Variants in FAT4 observed in about 807,000 individuals in gnomAD.
FAT4 encodes FAT atypical cadherin 4.
A neutral mutation model predicts 303.9 loss-of-function variants in FAT4; 84 were observed. That is an observed-to-expected ratio of 0.28 (90% confidence interval 0.23 to 0.33). The LOEUF (loss-of-function observed/expected upper bound fraction) is 0.33. FAT4 is among the 10% of genes least tolerant of loss of function. FAT4 has a pLI of 1.00. For missense variants in FAT4, 6,005 were observed against 6,146.8 expected (o/e 0.98, Z 0.77); for synonymous variants, 2,307 against 2,298.8 (o/e 1.00, Z -0.10).
chr4:125,357,346 A>G (rs1198842216), intron 2 of FAT4, among the ~76,000 whole-genome samples: 2 of 152,068 alleles, frequency 1.3e-5, no homozygotes, highest in African/African-American at 2.4e-5. Flanking sequence ...AAAATTTGTC[A>G]TTTTCTCAGT....
At chr4:125,484,762 A>G (rs1360914318) in intron 16 of FAT4, among the ~76,000 whole-genome samples, 2 of 152,154 alleles carry the variant, frequency 1.3e-5, no homozygotes, top group Non-Finnish European at 2.9e-5. Flanking sequence ...TACTGTAGGC[A>G]ATTGTGACAC....
At position 125,318,796 on chromosome 4, in the gene FAT4, G is replaced by A; in HGVS notation, c.2385G>A (p.Gln795=). 6.2e-7 allele frequency: 1 copy of A among 1,614,214 alleles called. No homozygotes were observed. Among genetic ancestry groups the A allele is most frequent in the Non-Finnish European group, 8.5e-7 (1 of 1,180,042 alleles). ...DTQDNPPVFS[Q]VAYSFVVFEN... ...AAGACAACCCACCTGTATTCAGTCA[G>A]GTTGCCTACAGCTTTGTGGTTTTTG... Residue 795 remains glutamine, a synonymous_variant, in exon 2 of 18, where the codon CAG becomes CAA. Coordinates refer to ENST00000394329, the MANE Select transcript of FAT4 (RefSeq NM_001291303.3).
In FAT4 at chr4:125,463,621, T is replaced by C; in HGVS notation, c.11859T>C (p.Gly3953=). The part of the protein sequence containing the change: ...YCECNPCFNG[G]SCQSGVDSYY... The stretch of plus-strand genomic sequence containing the variant: ...AATGCAACCCCTGCTTTAATGGTGG[T>C]TCCTGCCAAAGTGGTGTGGATTCTT... Residue 3953 remains glycine (G), a synonymous_variant, in exon 11 of 18, where the codon GGT becomes GGC. Transcript: ENST00000394329. The C allele has an allele frequency of 1.9e-6, 3 of 1,602,294 alleles. No homozygotes were observed. The highest frequency in any genetic ancestry group is 1.7e-6 in the Non-Finnish European group (2 of 1,172,840).
At position 125,406,919 on chromosome 4, in the gene FAT4, G is replaced by T. The variant is rs571447839; in HGVS notation, c.5347G>T (p.Ala1783Ser). The T allele has an allele frequency of 4.3e-6, 7 of 1,613,564 alleles. No homozygotes were observed. Among genetic ancestry groups the T allele is most frequent in the Non-Finnish European group, 5.9e-6 (7 of 1,179,756 alleles). The part of the protein sequence containing the change: ...ALVTYTIISG[A>S]DDSFRIDPES... ...CGTCACATACACTATCATTAGTGGA[G>T]CTGATGATAGTTTTCGCATCGACCC... Residue 1783 changes from alanine (A) to serine (S), a missense_variant, in exon 4 of 18, where the codon GCT becomes TCT. Ala to Ser is a moderately conservative substitution (Grantham distance 99, BLOSUM62 1). Coordinates refer to ENST00000394329, the MANE Select transcript of FAT4 (RefSeq NM_001291303.3).
At chr4:125,380,125 T>G (rs1416541104) in intron 2 of FAT4, among the ~76,000 whole-genome samples, 1 of 151,914 alleles carries the variant, frequency 6.6e-6, no homozygotes. Flanking sequence ...ACTCCCAACA[T>G]CAGGTGATCC....
chr4:125,387,934 C>T (rs1733823158), intron 2 of FAT4, among the ~76,000 whole-genome samples: 1 of 152,160 alleles, frequency 6.6e-6, no homozygotes, highest in Non-Finnish European at 1.5e-5. Context: ...CAAAGGCCTA[C>T]AAAAATTCAC....
chr4:125,451,475 A>C lies in FAT4; in HGVS notation c.10465A>C (p.Thr3489Pro). The C allele has an allele frequency of 6.2e-7, 1 of 1,613,880 alleles. No individual in the cohort carries two copies. Among genetic ancestry groups the C allele is most frequent in the Non-Finnish European group, 8.5e-7 (1 of 1,179,978 alleles). The change falls in exon 10 of 18, where the codon ACC (threonine) becomes CCC (proline). Residue 3489 changes from threonine (T) to proline (P), a missense_variant. Coordinates refer to ENST00000394329, the MANE Select transcript of FAT4 (RefSeq NM_001291303.3). ...CTCAGTTTTGGCTGTTGATTCAGGGACCCCCTCAGCTACAGGTAGTGCCTC... is the reference window on the plus strand; with the variant it reads ...CTCAGTTTTGGCTGTTGATTCAGGGCCCCCCTCAGCTACAGGTAGTGCCTC... ...NLSVLAVDSG[T>P]PSATGSASLL...
intron 2 of FAT4, among the ~76,000 whole-genome samples, chr4:125,388,191 A>T (rs776353898): frequency 2.6e-5 from 4 of 152,140 alleles, no homozygotes; most frequent in Non-Finnish European, 5.9e-5. Flanking sequence ...GTCCAATCCA[A>T]ATATTATGAA....
rs1250172205 is a variant in FAT4 at position 125,451,030 on chromosome 4, T to C, written c.10020T>C (p.Phe3340=). The change falls in exon 10 of 18, where the codon TTT becomes TTC. Residue 3340 remains phenylalanine (F), a synonymous_variant. Transcript: ENST00000394329. ...ATGGGGAGGTACACTATTTGATTTT[T>C]GGTAATAGTCGAAAGAAGGGTTTCC... ...GTDGEVHYLI[F]GNSRKKGFQI... is the part of the protein sequence containing the mutation. The C allele has an allele frequency of 1.6e-5, 26 of 1,613,924 alleles. No individual in the cohort carries two copies. The highest frequency in any genetic ancestry group is 2.2e-5 in the Non-Finnish European group (26 of 1,179,998).
chr4:125,348,324 A>G (rs752839001), intron 2 of FAT4, among the ~76,000 whole-genome samples: 2 of 151,804 alleles, frequency 1.3e-5, no homozygotes, highest in Admixed American at 6.6e-5. Flanking sequence ...AGAGAACACA[A>G]CAAAATAGTA....
At chr4:125,348,269 T>C (rs1333750849) in intron 2 of FAT4, among the ~76,000 whole-genome samples, 1 of 151,906 alleles carries the variant, frequency 6.6e-6, no homozygotes, top group Non-Finnish European at 1.5e-5. Context: ...TGGAACGTAT[T>C]CTTTTATATA....
chr4:125,338,965 G>C (rs192506873), intron 2 of FAT4, among the ~76,000 whole-genome samples: 123 of 152,142 alleles, frequency 8.1e-4, no homozygotes, highest in Non-Finnish European at 1.5e-3. Flanking sequence ...AGTGTACCTT[G>C]GTCTGAGGCT....
chr4:125,454,310 GA>G (rs1349667667), intron 10 of FAT4, among the ~76,000 whole-genome samples: 1 of 152,192 alleles, frequency 6.6e-6, no homozygotes, highest in Non-Finnish European at 1.5e-5. Context: ...TGTTGAAACA[GA>G]ACATGCAGTC....
Position 125,489,962 on chromosome 4 carries a change from G to A in FAT4, c.13146G>A (p.Gly4382=), listed in dbSNP as rs925363038. 1 of 1,606,348 alleles carries A rather than the reference G, an allele frequency of 6.2e-7. No individual in the cohort carries two copies. Among genetic ancestry groups the A allele is most frequent in the African/African-American group, 1.4e-5 (1 of 73,174 alleles). ...GTGGAGAAAGTCTTCCTTTCAGCGGGAAGCATAGCTTGGCCTCCATCTCAA... is the reference window on the plus strand; with the variant it reads ...GTGGAGAAAGTCTTCCTTTCAGCGGAAAGCATAGCTTGGCCTCCATCTCAA... ...WYGGESLPFS[G]KHSLASISKT... is the part of the protein sequence containing the mutation. Residue 4382 remains glycine, a synonymous_variant, in exon 18 of 18, where the codon GGG becomes GGA. Transcript: ENST00000394329.
At chr4:125,365,370 G>T (rs1160938786) in intron 2 of FAT4, among the ~76,000 whole-genome samples, 2 of 152,086 alleles carry the variant, frequency 1.3e-5, no homozygotes, top group Non-Finnish European at 2.9e-5. Flanking sequence ...AAAGAATGTG[G>T]ACTCTCTTCT....
At chr4:125,428,295 T>C (rs1378479066) in intron 7 of FAT4, among the ~76,000 whole-genome samples, 2 of 151,850 alleles carry the variant, frequency 1.3e-5, no homozygotes, top group African/African-American at 4.8e-5. Context: ...CGAAACTCCG[T>C]CTCAAAAAAA....
intron 7 of FAT4, among the ~76,000 whole-genome samples, chr4:125,433,547 A>T (rs1172319702): frequency 1.3e-5 from 2 of 152,170 alleles, no homozygotes; most frequent in African/African-American, 2.4e-5. Context: ...GTGTGGCCCA[A>T]GTGTTTGGCA....
At position 125,318,534 on chromosome 4, in the gene FAT4, TCAC is replaced by T; in HGVS notation, c.2127_2129del (p.Thr710del). 6.2e-7 allele frequency: 1 copy of T among 1,614,176 alleles called. No homozygotes were observed. The highest frequency in any genetic ancestry group is 8.5e-7 in the Non-Finnish European group (1 of 1,180,040). On this transcript the variant is annotated inframe_deletion, in exon 2 of 18. Transcript: ENST00000394329. Reference sequence around the variant, plus strand: ...GAGAATGAGCCTGGAGGTAGCTACATCACCACTGTGTCTGCCACTGACCCAGAC... The same window carrying T: ...GAGAATGAGCCTGGAGGTAGCTACATCACTGTGTCTGCCACTGACCCAGAC...
At chr4:125,366,643 A>G (rs1732897601) in intron 2 of FAT4, among the ~76,000 whole-genome samples, 1 of 152,076 alleles carries the variant, frequency 6.6e-6, no homozygotes. Flanking sequence ...GTTGAATGGT[A>G]TTTCTGTTTT....
Sources: allele counts gnomAD v4.1 joint callset (sites outside exome capture counted in the v4.1 genomes callset), GRCh38; gene constraint gnomAD v4.1.1; transcripts MANE v1.5; gene names NCBI Gene and HGNC (gene_info 2026-07-23, HGNC 2026-07-21).